The following FAM219B variants were observed in gnomAD, a reference collection of about 807,000 sequenced individuals.
FAM219B encodes family with sequence similarity 219 member B.
In FAM219B, 18 loss-of-function variants were observed where a neutral mutation model predicts 19.9. That is an observed-to-expected ratio of 0.91 (90% CI 0.63 to 1.34). The LOEUF (loss-of-function observed/expected upper bound fraction) is 1.34. Among genes scored for constraint, FAM219B ranks in the 40% most tolerant of loss-of-function variants. FAM219B has a pLI of 0.00. For synonymous variants in FAM219B, 123 were observed against 117.5 expected, an observed-to-expected ratio of 1.05 and a Z score of -0.30; for missense variants, 283 against 270.5, an observed-to-expected ratio of 1.05 and a Z score of -0.32.
intron 1 of FAM219B, 42 bp downstream of exon 1, chr15:74,906,545 C>G: frequency 2.7e-6 from 4 of 1,469,866 alleles, no homozygotes; most frequent in South Asian, 1.4e-5. Flanking sequence ...CGCGGCCGCC[C>G]GCCCAGGGAG....
In FAM219B at chr15:74,906,654, G is replaced by A. The variant is rs995648155; in HGVS notation, c.147C>T (p.Thr49=). The A allele has an allele frequency of 1.3e-6, 2 of 1,507,626 alleles. No homozygotes were observed. Among genetic ancestry groups the A allele is most frequent in the African/African-American group, 1.4e-5 (1 of 70,864 alleles). The allele number at this position is 1,507,626 out of a possible 1,614,324, so 93.4% of individuals were successfully genotyped here. ...GNRALRLGER[T]PAAVEKRGPY... ...GCCCCCGCTTTTCCACGGCCGCGGGGGTGCGCTCCCCCAGACGGAGGGCTC... is the reference window on the plus strand; with the variant it reads ...GCCCCCGCTTTTCCACGGCCGCGGGAGTGCGCTCCCCCAGACGGAGGGCTC... The change falls in exon 1 of 5, where the codon ACC becomes ACT. Residue 49 remains threonine (T), a synonymous_variant. Transcript: ENST00000357635.
At chr15:74,904,754 G>A in intron 3 of FAM219B, 42 bp from the exon 4 acceptor site, 2 of 1,611,826 alleles carry the variant, frequency 1.2e-6, no homozygotes, top group South Asian at 1.1e-5. Context: ...AGGTACCTGT[G>A]GTGCACAGCT....
Position 74,900,947 on chromosome 15 carries a change from T to A in FAM219B, c.*1672A>T, listed in dbSNP as rs1450175673. On this transcript the variant is annotated 3_prime_UTR_variant, in exon 5 of 5. Coordinates refer to ENST00000357635, the MANE Select transcript of FAM219B (RefSeq NM_020447.5). ...CACAGGATTACCATCGTAAGGATGG[T>A]TGTCAGACAAATAACAAATAAGGCC... The A allele has an allele frequency of 6.6e-6, 1 of 152,212 alleles. No individual in the cohort carries two copies. Among genetic ancestry groups the A allele is most frequent in the Non-Finnish European group, 1.5e-5 (1 of 68,036 alleles). 9.4% of individuals were successfully genotyped at this position (152,212 alleles called of 1,614,324 possible).
rs138545501 is a variant in FAM219B, at chr15:74,904,681, C to T, written c.412G>A (p.Gly138Arg). The T allele has an allele frequency of 8.1e-6, 13 of 1,614,042 alleles. No individual in the cohort carries two copies. In the East Asian group the frequency reaches 1.3e-4, roughly 17 times the overall value. Reference sequence around the variant, plus strand: ...GGACTTGCCTCTGCAGATGAATACCCGGAGGAGTATCTGGATCCCAGCTCC... The same window carrying T: ...GGACTTGCCTCTGCAGATGAATACCTGGAGGAGTATCTGGATCCCAGCTCC... Reference protein sequence around the residue: ...DGELGSRYSSGYSSAEQVNQD... With the variant: ...DGELGSRYSSRYSSAEQVNQD... Residue 138 changes from glycine to arginine, a missense_variant, in exon 4 of 5, where the codon GGG (glycine) becomes AGG (arginine). Physicochemically the swap from Gly to Arg is moderately radical, Grantham distance 125 (BLOSUM62 -2). Transcript: ENST00000357635.
chr15:74,905,340 A>G, intron 2 of FAM219B, 109 bp from the exon 3 acceptor site: 1 of 1,064,438 alleles, frequency 9.4e-7, no homozygotes, highest in Non-Finnish European at 1.4e-6. Flanking sequence ...TGCACTACTG[A>G]CTTGCCTTCT....
rs759738602 is a variant in FAM219B, at chr15:74,906,271, C to A, written c.302+7G>T. 1.9e-6 allele frequency: 3 copies of A among 1,612,960 alleles called. No individual in the cohort carries two copies. The South Asian group carries it at 3.3e-5, about 18-fold the overall frequency. On this transcript the variant is annotated splice_region_variant and intron_variant, in intron 2 of 4. Coordinates refer to ENST00000357635, the MANE Select transcript of FAM219B (RefSeq NM_020447.5). Reference sequence around the variant, plus strand: ...GCTGGCACAGAGGAGGTGGCGCCTGCTGAGACCTTTTCCCTGAAGAGTCTG... The same window carrying A: ...GCTGGCACAGAGGAGGTGGCGCCTGATGAGACCTTTTCCCTGAAGAGTCTG...
chr15:74,900,613 A>G lies in FAM219B; in HGVS notation c.*2006T>C, dbSNP rs188678240. 1 of 152,334 alleles carries G rather than the reference A, an allele frequency of 6.6e-6. No individual in the cohort carries two copies. Among genetic ancestry groups the G allele is most frequent in the East Asian group, 1.9e-4 (1 of 5,190 alleles). The allele number at this position is 152,334 out of a possible 1,614,324, so 9.4% of individuals were successfully genotyped here. ...TGCACTTCACCTCTGCAGACACAAGAAAGGCCTGGACATGGTCTCTGCAGA... is the reference window on the plus strand; with the variant it reads ...TGCACTTCACCTCTGCAGACACAAGGAAGGCCTGGACATGGTCTCTGCAGA... On this transcript the variant is annotated 3_prime_UTR_variant, in exon 5 of 5. Coordinates refer to ENST00000357635, the MANE Select transcript of FAM219B (RefSeq NM_020447.5).
At position 74,900,022 on chromosome 15, in the gene FAM219B, A is replaced by G. The variant is rs1439338696; in HGVS notation, c.*2597T>C. The G allele has an allele frequency of 1.3e-5, 2 of 152,262 alleles. No individual in the cohort carries two copies. The highest frequency in any genetic ancestry group is 2.9e-5 in the Non-Finnish European group (2 of 68,054). The allele number at this position is 152,262 out of a possible 1,614,324, so 9.4% of individuals were successfully genotyped here. A position where few individuals can be genotyped will look rare whatever the true frequency, so the allele number is the denominator to read the frequency against. On this transcript the variant is annotated 3_prime_UTR_variant, in exon 5 of 5. Coordinates refer to ENST00000357635, the MANE Select transcript of FAM219B (RefSeq NM_020447.5). ...TGATTGCATTTATTCTTATAAATGT[A>G]CAGAGCTGTAGAAGTGCAAGCCAAG...
chr15:74,899,519 C>T (rs537866261), downstream of FAM219B: 1 of 152,160 alleles, frequency 6.6e-6, no homozygotes, highest in Non-Finnish European at 1.5e-5. Context: ...TGAAACAGGC[C>T]CGAAAGTGAT....
In FAM219B at chr15:74,906,299, C is replaced by T. The variant is rs1302529485; in HGVS notation, c.281G>A (p.Arg94His). ...AGACCTTTTCCCTGAAGAGTCTGGG[C>T]GGTTCGGCGAGGCCCCCAGCATGCC... Reference protein sequence around the residue: ...RKGMLGASPNRPDSSGKRSVK... With the variant: ...RKGMLGASPNHPDSSGKRSVK... Residue 94 changes from arginine (R) to histidine (H), a missense_variant, in exon 2 of 5, where the codon CGC (arginine) becomes CAC (histidine). Coordinates refer to ENST00000357635, the MANE Select transcript of FAM219B (RefSeq NM_020447.5). 1.2e-6 allele frequency: 2 copies of T among 1,613,408 alleles called. No homozygotes were observed. The highest frequency in any genetic ancestry group is 2.7e-5 in the African/African-American group (2 of 74,928).
Position 74,904,711 on chromosome 15 carries a change from C to T in FAM219B, c.382G>A (p.Asp128Asn), listed in dbSNP as rs1462189816. 1 of 1,614,226 alleles carries T rather than the reference C, an allele frequency of 6.2e-7. No homozygotes were observed. Among genetic ancestry groups the T allele is most frequent in the South Asian group, 1.1e-5 (1 of 91,086 alleles). ...ENLVSLDSDS[D>N]GELGSRYSSG... ...GAGTATCTGGATCCCAGCTCCCCAT[C>T]ACTAGGAGAAGAGGAAAACAGTCAG... Residue 128 changes from aspartate to asparagine, a missense_variant and splice_region_variant, in exon 4 of 5, where the codon GAT becomes AAT. Coordinates refer to ENST00000357635, the MANE Select transcript of FAM219B (RefSeq NM_020447.5).
intron 3 of FAM219B, 200 bp from the exon 4 acceptor site, chr15:74,904,912 A>C (rs1428577706): frequency 8.0e-6 from 12 of 1,492,248 alleles, no homozygotes; most frequent in Non-Finnish European, 1.1e-5. Context: ...TCTCACTAAC[A>C]ATGCAAACAT....
In FAM219B at chr15:74,902,465, G is replaced by A. The variant is rs1339281183; in HGVS notation, c.*154C>T. 3.3e-6 allele frequency: 2 copies of A among 607,618 alleles called. No individual in the cohort carries two copies. The highest frequency in any genetic ancestry group is 5.1e-6 in the Non-Finnish European group (2 of 394,786). The allele number at this position is 607,618 out of a possible 1,614,324, so 37.6% of individuals were successfully genotyped here. On this transcript the variant is annotated 3_prime_UTR_variant, in exon 5 of 5. Coordinates refer to ENST00000357635, the MANE Select transcript of FAM219B (RefSeq NM_020447.5). ...CCTATCAGCCCACAGCCCAGATGGGGGCCTCTGGCCTGAGAAGCAACAGGT... is the reference window on the plus strand; with the variant it reads ...CCTATCAGCCCACAGCCCAGATGGGAGCCTCTGGCCTGAGAAGCAACAGGT...
At chr15:74,904,911 C>G in intron 3 of FAM219B, 199 bp from the exon 4 acceptor site, 1 of 1,490,436 alleles carries the variant, frequency 6.7e-7, no homozygotes, top group Non-Finnish European at 9.1e-7. Context: ...CTCTCACTAA[C>G]AATGCAAACA....
intron 4 of FAM219B, 60 bp from the exon 5 acceptor site, chr15:74,902,846 C>T (rs1195596414): frequency 6.5e-6 from 10 of 1,545,918 alleles, no homozygotes; most frequent in African/African-American, 1.4e-5. Context: ...AACTGCTACC[C>T]AAAAGACAGA....
At chr15:74,903,338 C>T (rs1183076325) in intron 4 of FAM219B, among the ~76,000 whole-genome samples, 4 of 152,004 alleles carry the variant, frequency 2.6e-5, no homozygotes, top group African/African-American at 9.7e-5. Flanking sequence ...TGGTGGCTCA[C>T]GCCTGTAATC....
Position 74,901,790 on chromosome 15 carries a change from G to T in FAM219B, c.*829C>A, listed in dbSNP as rs1341496007. On this transcript the variant is annotated 3_prime_UTR_variant, in exon 5 of 5. Transcript: ENST00000357635. ...TCTGCTGGTAATAATAAAAACTGCAGGCTTCTGGGGCCAGCCCCAGTACCT... is the reference window on the plus strand; with the variant it reads ...TCTGCTGGTAATAATAAAAACTGCATGCTTCTGGGGCCAGCCCCAGTACCT... The T allele has an allele frequency of 3.8e-6, 1 of 265,302 alleles. No individual in the cohort carries two copies. Among genetic ancestry groups the T allele is most frequent in the Non-Finnish European group, 7.0e-6 (1 of 142,868 alleles). The allele number at this position is 265,302 out of a possible 1,614,324, so 16.4% of individuals were successfully genotyped here.
chr15:74,903,647 T>C (rs183792458), intron 4 of FAM219B, among the ~76,000 whole-genome samples: 2 of 133,236 alleles, frequency 1.5e-5, no homozygotes, highest in Admixed American at 1.5e-4. Flanking sequence ...TAAATGAGGC[T>C]GGGGAAAGTG....
rs562676314 is a variant in FAM219B, at chr15:74,904,835, A to G, written c.381-123T>C. 5.0e-5 allele frequency: 73 copies of G among 1,465,058 alleles called. No homozygotes were observed. The Middle Eastern group carries it at 7.0e-4, about 14-fold the overall frequency. The allele number at this position is 1,465,058 out of a possible 1,614,324, so 90.8% of individuals were successfully genotyped here. ...TGAAGCAAAGGCCACACACAACAGA[A>G]CTCAAGTCCGAACAGGCCTTGAATA... On this transcript the variant is annotated intron_variant, in intron 3 of 4. Coordinates refer to ENST00000357635, the MANE Select transcript of FAM219B (RefSeq NM_020447.5).
Sources: gnomAD v4.1 joint callset for allele counts (sites outside exome capture counted in the v4.1 genomes callset) on GRCh38, gnomAD v4.1.1 for gene constraint, MANE v1.5 for transcripts, NCBI Gene and HGNC (gene_info 2026-07-23, HGNC 2026-07-21) for gene names.